The following ADGRL2 variants were observed in gnomAD, a reference collection of about 807,000 sequenced individuals.
ADGRL2 encodes the protein calcium-independent alpha-latrotoxin receptor 2.
In ADGRL2, 44 loss-of-function variants were observed where a neutral mutation model predicts 157.4. That is an observed-to-expected ratio of 0.28 (90% CI 0.22 to 0.36). The LOEUF is 0.36. Among genes scored for constraint, ADGRL2 ranks in the 10% least tolerant of loss-of-function variants. The probability of loss-of-function intolerance (pLI) is 1.00; values close to 1 mark genes in which losing one functional copy is unlikely to be tolerated. For synonymous variants in ADGRL2, 585 were observed against 624.7 expected, an observed-to-expected ratio of 0.94 and a Z score of 0.95; for missense variants, 1,510 against 1,768.9, an observed-to-expected ratio of 0.85 and a Z score of 2.63.
chr1:81,614,573 T>C (rs1195044827), intron 3 of ADGRL2, among the ~76,000 whole-genome samples: 2 of 152,192 alleles, frequency 1.3e-5, no homozygotes, highest in Non-Finnish European at 2.9e-5. Context: ...TTTCTCAAGC[T>C]TGCCAATCAC....
At chr1:81,558,629 A>T (rs2080368988) in intron 2 of ADGRL2, among the ~76,000 whole-genome samples, 1 of 152,096 alleles carries the variant, frequency 6.6e-6, no homozygotes, top group South Asian at 2.1e-4. Flanking sequence ...GAAATTTGTT[A>T]TGGAAATAAC....
At chr1:81,569,928 T>C (rs2080648455) in intron 2 of ADGRL2, among the ~76,000 whole-genome samples, 2 of 152,204 alleles carry the variant, frequency 1.3e-5, no homozygotes, top group Admixed American at 1.3e-4. Context: ...CTCACTCACA[T>C]GGGTATTGGC....
At chr1:81,679,551 G>A (rs1181329144) in intron 3 of ADGRL2, among the ~76,000 whole-genome samples, 1 of 152,144 alleles carries the variant, frequency 6.6e-6, no homozygotes, top group Non-Finnish European at 1.5e-5. Context: ...AAGCCAGGAA[G>A]CCTATACCTG....
At chr1:81,899,150 GT>G (rs1287868851) in intron 2 of ADGRL2, among the ~76,000 whole-genome samples, 1 of 152,208 alleles carries the variant, frequency 6.6e-6, no homozygotes. Flanking sequence ...ATGGGAATGT[GT>G]GATTTTACAG....
At chr1:81,807,107 T>C (rs138151899) in intron 1 of ADGRL2, among the ~76,000 whole-genome samples, 2,189 of 152,118 alleles carry the variant, frequency 0.014, 32 homozygotes, top group Middle Eastern at 0.037. Context: ...GCTAAAAACT[T>C]TTCAAATTGA....
At chr1:81,836,083 T>C (rs12744572) in intron 1 of ADGRL2, among the ~76,000 whole-genome samples, 21,331 of 151,966 alleles carry the variant, frequency 0.14, 1,659 homozygotes, top group East Asian at 0.19. Flanking sequence ...TAAATTTTCT[T>C]TATGGTTTAG....
chr1:81,495,389 A>G (rs2078711139), intron 2 of ADGRL2, among the ~76,000 whole-genome samples: 1 of 152,204 alleles, frequency 6.6e-6, no homozygotes, highest in Non-Finnish European at 1.5e-5. Flanking sequence ...GATGATTATT[A>G]CAAGTAAAAT....
At chr1:81,803,279 T>C (rs1468187609) in intron 1 of ADGRL2, among the ~76,000 whole-genome samples, 1 of 151,904 alleles carries the variant, frequency 6.6e-6, no homozygotes, top group Non-Finnish European at 1.5e-5. Flanking sequence ...AGCCAAACCA[T>C]GGAAGCGCCC....
At chr1:81,317,101 T>TG (rs1276184831) in intron 1 of ADGRL2, among the ~76,000 whole-genome samples, 1 of 152,026 alleles carries the variant, frequency 6.6e-6, no homozygotes, top group African/African-American at 2.4e-5. Context: ...TGATTTGGGT[T>TG]GGGGGTGGGA....
chr1:81,624,442 G>A lies in ADGRL2; in HGVS notation c.-143+43462G>A, dbSNP rs189724794. 3.5e-3 allele frequency among the ~76,000 whole-genome samples: 539 copies of A among 152,096 alleles called. 5 individuals are homozygous for A. Among genetic ancestry groups the A allele is most frequent in the African/African-American group, 9.7e-3 (403 of 41,514 alleles). Reference sequence around the variant, plus strand: ...CTAAAAATACAAAAATTAGCCAGGCGTGGTGGCCCGCGCCTGTAATCCCAG... The same window carrying A: ...CTAAAAATACAAAAATTAGCCAGGCATGGTGGCCCGCGCCTGTAATCCCAG... On this transcript the variant is annotated intron_variant, in intron 3 of 24. Transcript: ENST00000370721.
chr1:81,618,312 C>T (rs2148700127), intron 3 of ADGRL2, among the ~76,000 whole-genome samples: 1 of 152,216 alleles, frequency 6.6e-6, no homozygotes, highest in South Asian at 2.1e-4. Context: ...TGTATTGCAC[C>T]TGAATCCCTT....
rs72939251 is a variant in ADGRL2, at chr1:81,648,813, T to G, written c.-143+67833T>G. Among the ~76,000 whole-genome samples the G allele has an allele frequency of 8.0e-3, 1,222 of 152,258 alleles. 9 individuals are homozygous for G. The highest frequency in any genetic ancestry group is 0.028 in the African/African-American group (1,161 of 41,546). ...ATAATTGAGAAAAGACATTTAAAGG[T>G]ATAATTTAAATATGAATGAAAGAAG... On this transcript the variant is annotated intron_variant, in intron 3 of 24. Coordinates refer to the ADGRL2 transcript ENST00000370721.
intron 1 of ADGRL2, among the ~76,000 whole-genome samples, chr1:81,374,008 A>G (rs1326357909): frequency 6.6e-6 from 1 of 152,234 alleles, no homozygotes; most frequent in Non-Finnish European, 1.5e-5. Context: ...CGTGGATAAG[A>G]AAGGCAGATA....
chr1:81,408,961 C>G (rs562454390), intron 1 of ADGRL2, among the ~76,000 whole-genome samples: 2 of 152,302 alleles, frequency 1.3e-5, no homozygotes, highest in South Asian at 4.1e-4. Flanking sequence ...AAACTGTTTT[C>G]AAATGTTCTC....
chr1:81,772,735 A>C (rs2086426481), intron 2 of ADGRL2, among the ~76,000 whole-genome samples: 1 of 152,180 alleles, frequency 6.6e-6, no homozygotes, highest in Non-Finnish European at 1.5e-5. Flanking sequence ...TCCCAAAAAA[A>C]GAGTAGAAAT....
intron 2 of ADGRL2, among the ~76,000 whole-genome samples, chr1:81,898,005 G>A (rs933065852): frequency 1.6e-4 from 24 of 152,160 alleles, no homozygotes; most frequent in African/African-American, 5.6e-4. Flanking sequence ...GTGAGGAAGA[G>A]GCTGATTTCG....
intron 2 of ADGRL2, among the ~76,000 whole-genome samples, chr1:81,772,721 T>G (rs1571162032): frequency 1.3e-5 from 2 of 151,972 alleles, no homozygotes; most frequent in Non-Finnish European, 1.5e-5. Flanking sequence ...AGAGCGAGAC[T>G]CCATCCCAAA....
At chr1:81,365,762 T>C (rs1232608030) in intron 1 of ADGRL2, among the ~76,000 whole-genome samples, 1 of 152,182 alleles carries the variant, frequency 6.6e-6, no homozygotes, top group African/African-American at 2.4e-5. Context: ...TTGAAATCTA[T>C]TGGGTGTTAA....
chr1:81,866,111 G>T (rs1469070536), intron 2 of ADGRL2, among the ~76,000 whole-genome samples: 7 of 152,170 alleles, frequency 4.6e-5, no homozygotes, highest in Non-Finnish European at 1.0e-4. Context: ...GCTCGTAGCA[G>T]AATAGGAAAG....
Sources: gnomAD v4.1 joint callset for allele counts (sites outside exome capture counted in the v4.1 genomes callset) on GRCh38, gnomAD v4.1.1 for gene constraint, MANE v1.5 for transcripts, NCBI Gene and HGNC (gene_info 2026-07-23, HGNC 2026-07-21) for gene names.